SOX30: variants seen among roughly 807,000 people sequenced by gnomAD.
SOX30 encodes the protein transcription factor SOX-30.
A neutral mutation model predicts 58.6 loss-of-function variants in SOX30; 17 were observed. That is an observed-to-expected ratio of 0.29 (90% confidence interval 0.20 to 0.44). The LOEUF is 0.44. Ranked by LOEUF, SOX30 falls within the 20% of genes least tolerant of loss-of-function variation. The probability of loss-of-function intolerance (pLI) is 1.00; values close to 1 mark genes in which losing one functional copy is unlikely to be tolerated. For missense variants in SOX30, 951 were observed against 965.8 expected (o/e 0.98, Z 0.20); for synonymous variants, 421 against 400.2 (o/e 1.05, Z -0.62).
At chr5:157,669,263 G>A (rs1472048227) in intron 1 of SOX30, among the ~76,000 whole-genome samples, 8 of 152,118 alleles carry the variant, frequency 5.3e-5, no homozygotes, top group African/African-American at 1.9e-4. Flanking sequence ...GCACTATCTC[G>A]GCTCACTGCA....
intron 3 of SOX30, among the ~76,000 whole-genome samples, chr5:157,644,889 G>C (rs923080547): frequency 6.6e-6 from 1 of 152,188 alleles, no homozygotes; most frequent in Non-Finnish European, 1.5e-5. Context: ...GCTGAGGTGG[G>C]AGAACTGCTT....
At chr5:157,654,601 A>T (rs1344881519), upstream of SOX30, among the ~76,000 whole-genome samples, 3 of 152,198 alleles carry the variant, frequency 2.0e-5, no homozygotes, top group Non-Finnish European at 4.4e-5. Context: ...ATGAGGCTGA[A>T]ACATACTGGG....
chr5:157,636,049 T>C (rs1758918778), intron 4 of SOX30, among the ~76,000 whole-genome samples: 1 of 152,230 alleles, frequency 6.6e-6, no homozygotes, highest in Non-Finnish European at 1.5e-5. Flanking sequence ...AGGGGAATAT[T>C]ATACCCAAGT....
intron 2 of SOX30, among the ~76,000 whole-genome samples, chr5:157,658,221 T>C (rs1180279718): frequency 3.9e-5 from 6 of 152,236 alleles, no homozygotes; most frequent in Admixed American, 2.0e-4. Context: ...AAATAATTAT[T>C]CTCATTGCAC....
At chr5:157,663,596 T>C (rs566885356) in intron 2 of SOX30, among the ~76,000 whole-genome samples, 216 of 152,288 alleles carry the variant, frequency 1.4e-3, no homozygotes, top group African/African-American at 5.0e-3. Flanking sequence ...TTGGAAGTTC[T>C]GGCCAGGGCA....
At chr5:157,659,376 G>C (rs947118354) in intron 2 of SOX30, among the ~76,000 whole-genome samples, 12 of 152,194 alleles carry the variant, frequency 7.9e-5, no homozygotes, top group African/African-American at 2.9e-4. Context: ...ACCATGGAAT[G>C]GTCCCACTAT....
chr5:157,651,942 G>A lies in SOX30; in HGVS notation c.137C>T (p.Ala46Val), dbSNP rs1421382288. The change falls in exon 1 of 5, where the codon GCA becomes GTA. Residue 46 changes from alanine (A) to valine (V), a missense_variant. By Grantham distance (64) the Ala-to-Val change is moderately conservative. Coordinates refer to ENST00000265007, the MANE Select transcript of SOX30 (RefSeq NM_178424.2). ...CGACGAGGCCAAGGTCGCACTGGCTGCCGCGCTCAGTGTGGGAGACGACGG... is the reference window on the plus strand; with the variant it reads ...CGACGAGGCCAAGGTCGCACTGGCTACCGCGCTCAGTGTGGGAGACGACGG... ...PPPSSPTLSAAASATLASSCG... is the reference protein window; with the variant it reads ...PPPSSPTLSAVASATLASSCG... 5 of 1,492,542 alleles carry A rather than the reference G, an allele frequency of 3.3e-6. No homozygotes were observed. Among genetic ancestry groups the A allele is most frequent in the Non-Finnish European group, 3.6e-6 (4 of 1,125,856 alleles). 92.5% of individuals were successfully genotyped at this position (1,492,542 alleles called of 1,614,324 possible).
At chr5:157,630,863 TTA>T (rs34376183) in intron 4 of SOX30, among the ~76,000 whole-genome samples, 31,243 of 134,660 alleles carry the variant, frequency 0.23, 5,778 homozygotes, top group African/African-American at 0.51. Context: ...TTATATATTT[TTA>T]TATATATATA....
At chr5:157,633,298 C>T (rs1181060631) in intron 4 of SOX30, among the ~76,000 whole-genome samples, 3 of 152,150 alleles carry the variant, frequency 2.0e-5, no homozygotes, top group Non-Finnish European at 2.9e-5. Flanking sequence ...CTCAGCCTCC[C>T]AAGTAGCTGG....
intron 4 of SOX30, among the ~76,000 whole-genome samples, chr5:157,635,330 G>T (rs1758899825): frequency 6.6e-6 from 1 of 152,134 alleles, no homozygotes; most frequent in Non-Finnish European, 1.5e-5. Context: ...TGTCTTCCAA[G>T]AACTTACTTT....
intron 2 of SOX30, among the ~76,000 whole-genome samples, chr5:157,658,282 G>T (rs2112725): frequency 0.5 from 76,339 of 151,816 alleles, 22,257 homozygotes; most frequent in African/African-American, 0.82. Context: ...GTCTTACCGT[G>T]ATTTGTCTTT....
chr5:157,664,204 C>T (rs1320184901), intron 2 of SOX30, among the ~76,000 whole-genome samples: 1 of 152,104 alleles, frequency 6.6e-6, no homozygotes, highest in East Asian at 1.9e-4. Context: ...TACTACAAGG[C>T]TACAGTAACC....
intron 2 of SOX30, among the ~76,000 whole-genome samples, chr5:157,661,248 A>C (rs922533889): frequency 6.6e-6 from 1 of 152,166 alleles, no homozygotes; most frequent in Non-Finnish European, 1.5e-5. Flanking sequence ...TTCACCTTTA[A>C]GCATGTTGTT....
At chr5:157,645,201 G>T (rs933207652) in intron 3 of SOX30, among the ~76,000 whole-genome samples, 4 of 151,838 alleles carry the variant, frequency 2.6e-5, no homozygotes, top group African/African-American at 9.7e-5. Context: ...TTGCTAAAAT[G>T]ATACATTAAA....
chr5:157,670,231 T>C (rs1439701590), intron 1 of SOX30, among the ~76,000 whole-genome samples: 2 of 152,200 alleles, frequency 1.3e-5, no homozygotes, highest in African/African-American at 2.4e-5. Flanking sequence ...ATTTTCATGC[T>C]AGTTAAGAAA....
intron 2 of SOX30, among the ~76,000 whole-genome samples, chr5:157,665,369 G>A (rs1328407919): frequency 6.6e-6 from 1 of 152,128 alleles, no homozygotes; most frequent in Non-Finnish European, 1.5e-5. Flanking sequence ...AACATCGCAT[G>A]TTTTCACTCA....
At chr5:157,655,137 A>G (rs1759447835), upstream of SOX30, among the ~76,000 whole-genome samples, 1 of 152,198 alleles carries the variant, frequency 6.6e-6, no homozygotes. Flanking sequence ...AGCCCCCAGT[A>G]AGTGGTGAGG....
chr5:157,643,902 A>G (rs1163279975), intron 3 of SOX30, among the ~76,000 whole-genome samples: 1 of 152,132 alleles, frequency 6.6e-6, no homozygotes, highest in Admixed American at 6.5e-5. Context: ...ATCTGTTCTA[A>G]CTTAAGCTTC....
intron 4 of SOX30, among the ~76,000 whole-genome samples, chr5:157,630,408 G>A (rs1333503024): frequency 1.3e-5 from 2 of 152,134 alleles, no homozygotes; most frequent in Non-Finnish European, 2.9e-5. Flanking sequence ...ATATTATAAT[G>A]TGATGCCACT....
Sources: allele counts gnomAD v4.1 joint callset (sites outside exome capture counted in the v4.1 genomes callset), GRCh38; gene constraint gnomAD v4.1.1; transcripts MANE v1.5; gene names NCBI Gene and HGNC (gene_info 2026-07-23, HGNC 2026-07-21).